KAZN: variants seen among roughly 807,000 people sequenced by gnomAD.
The protein encoded by KAZN is kazrin, periplakin interacting protein.
In KAZN, 40 loss-of-function variants were observed where a neutral mutation model predicts 87.4. That is an observed-to-expected ratio of 0.46 (90% CI 0.36 to 0.60). The LOEUF (loss-of-function observed/expected upper bound fraction) is 0.60, where lower values mean the gene tolerates loss of function less well. Among genes scored for constraint, KAZN ranks in the 20% least tolerant of loss-of-function variants. KAZN has a pLI of 0.00. For missense variants in KAZN, 898 were observed against 1,073.9 expected, an observed-to-expected ratio of 0.84 and a Z score of 2.29; for synonymous variants, 466 against 458.3, an observed-to-expected ratio of 1.02 and a Z score of -0.22.
chr1:14,574,046 G>A (rs11808907), intron 2 of KAZN, among the ~76,000 whole-genome samples: 4 of 151,954 alleles, frequency 2.6e-5, no homozygotes, highest in South Asian at 2.1e-4. Flanking sequence ...ATGACATAAC[G>A]TTTCCAATGA....
At chr1:14,358,211 G>T (rs1659200426) in intron 2 of KAZN, among the ~76,000 whole-genome samples, 1 of 152,056 alleles carries the variant, frequency 6.6e-6, no homozygotes, top group South Asian at 2.1e-4. Context: ...TTCCATAGAG[G>T]TGTTTATAGC....
intron 3 of KAZN, among the ~76,000 whole-genome samples, chr1:15,036,300 C>T (rs1368621413): frequency 1.4e-5 from 2 of 147,644 alleles, no homozygotes; most frequent in East Asian, 4.0e-4. Context: ...CTGCCCTGCC[C>T]GCCCAGCTCC....
intron 2 of KAZN, among the ~76,000 whole-genome samples, chr1:14,593,662 C>G (rs1027201451): frequency 7.9e-5 from 12 of 151,940 alleles, no homozygotes; most frequent in Non-Finnish European, 1.5e-4. Flanking sequence ...AATAAATAAA[C>G]AGAACAATAA....
intron 2 of KAZN, among the ~76,000 whole-genome samples, chr1:14,276,132 A>G (rs2100697465): frequency 6.6e-6 from 1 of 151,368 alleles, no homozygotes; most frequent in African/African-American, 2.4e-5. Flanking sequence ...TGGGGCCCAC[A>G]TTCATGGAGC....
At chr1:14,388,047 G>A (rs767569035) in intron 2 of KAZN, among the ~76,000 whole-genome samples, 3 of 152,178 alleles carry the variant, frequency 2.0e-5, no homozygotes, top group Non-Finnish European at 4.4e-5. Flanking sequence ...TCGGAAAAGC[G>A]CAGTATTCGG....
chr1:14,917,266 T>A (rs1657914116), intron 1 of KAZN, among the ~76,000 whole-genome samples: 1 of 152,152 alleles, frequency 6.6e-6, no homozygotes, highest in Non-Finnish European at 1.5e-5. Context: ...CCAGCTCTAA[T>A]CCTTCCCGAT....
intron 1 of KAZN, among the ~76,000 whole-genome samples, chr1:14,149,124 C>T (rs367969741): frequency 3.8e-4 from 1 of 2,648 alleles, no homozygotes; most frequent in Admixed American, 3.1e-3. Flanking sequence ...TTTTTTTTGA[C>T]AGAGTCTTGC....
chr1:14,365,513 C>G (rs1426883362), intron 2 of KAZN, among the ~76,000 whole-genome samples: 1 of 152,096 alleles, frequency 6.6e-6, no homozygotes, highest in Non-Finnish European at 1.5e-5. Flanking sequence ...GGGGTTAAAA[C>G]GTCAACATTA....
chr1:14,455,079 C>A (rs143800194), intron 2 of KAZN, among the ~76,000 whole-genome samples: 1 of 151,992 alleles, frequency 6.6e-6, no homozygotes, highest in Non-Finnish European at 1.5e-5. Context: ...CAAGAAAAAG[C>A]GAGAGAGGGT....
At chr1:14,665,324 A>G (rs1346389849) in intron 1 of KAZN, among the ~76,000 whole-genome samples, 1 of 151,852 alleles carries the variant, frequency 6.6e-6, no homozygotes, top group Non-Finnish European at 1.5e-5. Context: ...TGCACTGAAA[A>G]TGTGTCATCA....
chr1:14,167,520 C>A (rs1048533833), intron 1 of KAZN, among the ~76,000 whole-genome samples: 1 of 152,078 alleles, frequency 6.6e-6, no homozygotes. Context: ...GTCAGGAGTT[C>A]GAGACCAGCC....
intron 1 of KAZN, among the ~76,000 whole-genome samples, chr1:14,641,227 A>G (rs1680384424): frequency 6.6e-6 from 1 of 152,192 alleles, no homozygotes; most frequent in Non-Finnish European, 1.5e-5. Flanking sequence ...CAGGAGGAAT[A>G]TTTTGATGTT....
At chr1:14,627,422 C>T (rs1679225039) in intron 1 of KAZN, among the ~76,000 whole-genome samples, 1 of 152,024 alleles carries the variant, frequency 6.6e-6, no homozygotes, top group South Asian at 2.1e-4. Context: ...GAGGAGTGAG[C>T]CCTTGCAGCT....
At chr1:14,637,858 A>C (rs1680112514) in intron 1 of KAZN, among the ~76,000 whole-genome samples, 1 of 152,216 alleles carries the variant, frequency 6.6e-6, no homozygotes, top group Non-Finnish European at 1.5e-5. Context: ...GGCTTCAAAC[A>C]ACACAGATTT....
chr1:14,817,502 A>T (rs1646604378), intron 1 of KAZN, among the ~76,000 whole-genome samples: 1 of 152,208 alleles, frequency 6.6e-6, no homozygotes, highest in South Asian at 2.1e-4. Flanking sequence ...AAACATTACT[A>T]TGGCCACCTT....
chr1:14,544,316 TG>T (rs1326541369), intron 2 of KAZN, among the ~76,000 whole-genome samples: 3 of 148,672 alleles, frequency 2.0e-5, no homozygotes, highest in African/African-American at 7.4e-5. Context: ...CTTTGAGATT[TG>T]GGGTTTTTTT....
chr1:14,598,629 G>T, upstream of KAZN: 5 of 1,108,478 alleles, frequency 4.5e-6, no homozygotes, highest in Non-Finnish European at 5.5e-6. This position sits in a 1 kb window ranked among gnomAD's most constrained non-coding sequence, Gnocchi z 4.2. Flanking sequence ...ACCCCCTCCC[G>T]AGCCGGCGGC....
intron 2 of KAZN, among the ~76,000 whole-genome samples, chr1:14,511,073 A>G (rs1169890362): frequency 6.7e-6 from 1 of 148,426 alleles, no homozygotes; most frequent in African/African-American, 2.5e-5. Context: ...GACCACTTAC[A>G]TTATTAACAC....
intron 2 of KAZN, among the ~76,000 whole-genome samples, chr1:14,419,339 G>C (rs929569584): frequency 2.6e-5 from 4 of 152,312 alleles, no homozygotes; most frequent in African/African-American, 9.6e-5. Flanking sequence ...TGACGTCCGT[G>C]ATCTTTCCAC....
Sources: allele counts gnomAD v4.1 joint callset (sites outside exome capture counted in the v4.1 genomes callset), GRCh38; gene constraint gnomAD v4.1.1; non-coding constraint Gnocchi (gnomAD v3.1); transcripts MANE v1.5; gene names NCBI Gene and HGNC (gene_info 2026-07-23, HGNC 2026-07-21).